The following ASAP2 variants were observed in gnomAD, a reference collection of about 807,000 sequenced individuals.
ASAP2 encodes arf-GAP with SH3 domain, ANK repeat and PH domain-containing protein 2.
ASAP2 carries 45 observed loss-of-function variants against 131.4 expected under a neutral mutation model. The observed-to-expected ratio is 0.34, with a 90% CI of 0.27 to 0.44. The LOEUF (loss-of-function observed/expected upper bound fraction) is 0.44. ASAP2 is among the 20% of genes least tolerant of loss of function. ASAP2 has a pLI of 1.00. For missense variants in ASAP2, 1,011 were observed against 1,297.0 expected, an observed-to-expected ratio of 0.78 and a Z score of 3.39; for synonymous variants, 510 against 503.0, an observed-to-expected ratio of 1.01 and a Z score of -0.19.
chr2:9,273,975 A>G (rs1446046395), intron 1 of ASAP2, among the ~76,000 whole-genome samples: 2 of 152,186 alleles, frequency 1.3e-5, no homozygotes, highest in African/African-American at 4.8e-5. Context: ...TCAAAGCTAA[A>G]CTGTAAGTTC....
rs773626979 is a variant in ASAP2, at chr2:9,378,974, C to G, written c.1863C>G (p.Gly621=). 1.3e-6 allele frequency: 2 copies of G among 1,521,046 alleles called. No homozygotes were observed. The highest frequency in any genetic ancestry group is 5.1e-5 in the East Asian group (2 of 39,274). 94.2% of individuals were successfully genotyped at this position (1,521,046 alleles called of 1,614,324 possible). A position where few individuals can be genotyped will look rare whatever the true frequency, so the allele number is the denominator to read the frequency against. Residue 621 remains glycine (G), a synonymous_variant, in exon 19 of 28, where the codon GGC becomes GGG. Transcript: ENST00000281419. The part of the protein sequence containing the change: ...SGNLDKQTGK[G]STALHYCCLT... ...ACCTGGATAAACAGACAGGGAAAGG[C>G]AGCACAGCCCTGCACTACTGCTGCC...
chr2:9,359,304 T>A (rs984385481), intron 15 of ASAP2, among the ~76,000 whole-genome samples: 1 of 152,256 alleles, frequency 6.6e-6, no homozygotes, highest in African/African-American at 2.4e-5. Flanking sequence ...GCCTCCGACT[T>A]CTCCCTACCC....
At chr2:9,318,339 T>C (rs975175258) in intron 3 of ASAP2, among the ~76,000 whole-genome samples, 185 bp from the exon 4 acceptor site, 3 of 152,238 alleles carry the variant, frequency 2.0e-5, no homozygotes, top group Non-Finnish European at 4.4e-5. Flanking sequence ...TCATTAGCCC[T>C]CTATTCATTT....
At chr2:9,276,911 T>C (rs1666796786) in intron 1 of ASAP2, among the ~76,000 whole-genome samples, 1 of 152,196 alleles carries the variant, frequency 6.6e-6, no homozygotes, top group Non-Finnish European at 1.5e-5. Flanking sequence ...TTAGTAAGAA[T>C]GGTGGCTGAC....
At chr2:9,386,640 T>C (rs1489925388) in intron 21 of ASAP2, among the ~76,000 whole-genome samples, 5 of 152,212 alleles carry the variant, frequency 3.3e-5, no homozygotes, top group Non-Finnish European at 5.9e-5. Flanking sequence ...ACACCTGAGC[T>C]GGGTTTGAAC....
At chr2:9,229,071 A>G (rs939460716) in intron 1 of ASAP2, among the ~76,000 whole-genome samples, 7 of 152,150 alleles carry the variant, frequency 4.6e-5, no homozygotes, top group Non-Finnish European at 1.0e-4. Flanking sequence ...CGGAAAGTGG[A>G]CAATCAGGAT....
At chr2:9,356,694 T>G (rs963300118) in intron 14 of ASAP2, among the ~76,000 whole-genome samples, 15 of 152,258 alleles carry the variant, frequency 9.9e-5, no homozygotes, top group Admixed American at 7.2e-4. Flanking sequence ...CTTCCTTGCT[T>G]GGAATCTGCT....
At chr2:9,343,919 A>G (rs1024833398) in intron 9 of ASAP2, among the ~76,000 whole-genome samples, 1 of 152,206 alleles carries the variant, frequency 6.6e-6, no homozygotes, top group Non-Finnish European at 1.5e-5. Context: ...TGGTTTACCT[A>G]TGATTAAGCT....
chr2:9,251,735 C>G (rs1664724043), intron 1 of ASAP2, among the ~76,000 whole-genome samples: 1 of 151,804 alleles, frequency 6.6e-6, no homozygotes, highest in Non-Finnish European at 1.5e-5. Context: ...TGGAGGACAT[C>G]AGCGTGGCAA....
intron 20 of ASAP2, among the ~76,000 whole-genome samples, chr2:9,384,491 C>CA (rs1675106173): frequency 6.6e-6 from 1 of 152,218 alleles, no homozygotes; most frequent in African/African-American, 2.4e-5. Context: ...GACTGTCTTC[C>CA]ACCCCAGACA....
Position 9,388,909 on chromosome 2 carries a change from C to T in ASAP2, c.2383+363C>T, listed in dbSNP as rs1477646017. Among the ~76,000 whole-genome samples the T allele has an allele frequency of 2.6e-5, 4 of 152,322 alleles. No individual in the cohort carries two copies. In the East Asian group the frequency reaches 7.7e-4, roughly 29 times the overall value. ...CTTTCTCCACTCCTTCCCAGGCCTT[C>T]ATTCTTCCTTTTTATTTCTCTTCTG... On this transcript the variant is annotated intron_variant, in intron 22 of 27. Coordinates refer to ENST00000281419, the MANE Select transcript of ASAP2 (RefSeq NM_003887.3).
chr2:9,289,037 C>T (rs2148354280), intron 2 of ASAP2, among the ~76,000 whole-genome samples: 1 of 152,336 alleles, frequency 6.6e-6, no homozygotes, highest in Middle Eastern at 3.4e-3. Context: ...GCTGTGTTTC[C>T]ACCTCGTGTA....
chr2:9,319,565 A>C (rs1670023965), intron 4 of ASAP2, among the ~76,000 whole-genome samples: 1 of 152,242 alleles, frequency 6.6e-6, no homozygotes, highest in Non-Finnish European at 1.5e-5. Context: ...TCAGGCTGCC[A>C]GGGTGCAGGA....
intron 7 of ASAP2, among the ~76,000 whole-genome samples, chr2:9,331,251 A>C (rs1483605326): frequency 6.6e-6 from 1 of 152,382 alleles, no homozygotes; most frequent in South Asian, 2.1e-4. Context: ...CCTTGGAACT[A>C]CGTAGATATG....
chr2:9,348,139 T>C (rs1422471587), intron 11 of ASAP2, among the ~76,000 whole-genome samples: 1 of 152,156 alleles, frequency 6.6e-6, no homozygotes, highest in Non-Finnish European at 1.5e-5. Context: ...TGTTTGTTTG[T>C]TTTTTTCTTT....
At chr2:9,253,317 C>G (rs1303770148) in intron 1 of ASAP2, among the ~76,000 whole-genome samples, 1 of 152,054 alleles carries the variant, frequency 6.6e-6, no homozygotes, top group African/African-American at 2.4e-5. Context: ...GTGCCCGCCA[C>G]CACACCTGGC....
chr2:9,210,737 G>A (rs1325713117), intron 1 of ASAP2, among the ~76,000 whole-genome samples: 2 of 151,952 alleles, frequency 1.3e-5, no homozygotes, highest in Non-Finnish European at 2.9e-5. Flanking sequence ...TGTATTTTTA[G>A]TAGAGATGGG....
chr2:9,235,724 G>T (rs544706743), intron 1 of ASAP2, among the ~76,000 whole-genome samples: 9 of 152,166 alleles, frequency 5.9e-5, no homozygotes, highest in African/African-American at 2.2e-4. Flanking sequence ...AGAGTGAGCC[G>T]CATGGCCTGG....
At chr2:9,338,347 A>G (rs74641209) in intron 9 of ASAP2, among the ~76,000 whole-genome samples, 25 of 147,014 alleles carry the variant, frequency 1.7e-4, no homozygotes, top group Non-Finnish European at 3.5e-4. Flanking sequence ...GTCTGTCTCT[A>G]TCTCTCTCTC....
Sources: gnomAD v4.1 joint callset for allele counts (sites outside exome capture counted in the v4.1 genomes callset) on GRCh38, gnomAD v4.1.1 for gene constraint, MANE v1.5 for transcripts, NCBI Gene and HGNC (gene_info 2026-07-23, HGNC 2026-07-21) for gene names.